The following CDH11 variants were observed in gnomAD, a reference collection of about 807,000 sequenced individuals.
The protein encoded by CDH11 is cadherin-11.
CDH11 carries 11 observed loss-of-function variants against 67.8 expected under a neutral mutation model. The ratio of observed to expected loss-of-function variants is 0.16; its 90% CI spans 0.10 to 0.27. The LOEUF (loss-of-function observed/expected upper bound fraction) is 0.27, where lower values mean the gene tolerates loss of function less well. Ranked by LOEUF, CDH11 falls within the 10% of genes least tolerant of loss-of-function variation. The pLI is 1.00. For missense variants in CDH11, 847 were observed against 1,031.2 expected, an observed-to-expected ratio of 0.82 and a Z score of 2.45; for synonymous variants, 419 against 400.0, an observed-to-expected ratio of 1.05 and a Z score of -0.57.
intron 1 of CDH11, among the ~76,000 whole-genome samples, chr16:65,084,753 T>C (rs1006326467): frequency 2.0e-5 from 3 of 152,176 alleles, no homozygotes; most frequent in African/African-American, 7.2e-5. Flanking sequence ...TACAAGAACA[T>C]AGTTTAAAAT....
In CDH11 at chr16:64,957,699, AGT is replaced by A. The variant is rs141123817; in HGVS notation, c.1643-6683_1643-6682del. On this transcript the variant is annotated intron_variant, in intron 11 of 12. Coordinates refer to ENST00000268603, the MANE Select transcript of CDH11 (RefSeq NM_001797.4). The stretch of plus-strand genomic sequence containing the variant: ...AAGCACATACATAAAATTTATATAT[AGT>A]GTGTGACTAAAATTTCTTAGTAGAG... 2.3e-3 allele frequency among the ~76,000 whole-genome samples: 352 copies of A among 152,080 alleles called. 1 individual carries two copies. Among genetic ancestry groups the A allele is most frequent in the African/African-American group, 8.1e-3 (337 of 41,458 alleles).
At chr16:64,962,672 A>C (rs542026112) in intron 11 of CDH11, among the ~76,000 whole-genome samples, 1 of 152,254 alleles carries the variant, frequency 6.6e-6, no homozygotes, top group South Asian at 2.1e-4. Context: ...CCCTCATGCT[A>C]TCAGTAGGAG....
chr16:64,999,837 T>A (rs1281229216), intron 3 of CDH11, among the ~76,000 whole-genome samples: 1 of 152,164 alleles, frequency 6.6e-6, no homozygotes, highest in African/African-American at 2.4e-5. Context: ...GCCTGGCCAA[T>A]GTTTTTGTTT....
chr16:65,093,676 G>C (rs890792322), intron 1 of CDH11, among the ~76,000 whole-genome samples: 2 of 152,054 alleles, frequency 1.3e-5, no homozygotes, highest in Admixed American at 6.5e-5. Context: ...AATCTACTAC[G>C]TGATATTCAC....
At chr16:64,968,356 A>C (rs2071901096) in intron 11 of CDH11, 1 of 881,072 alleles carries the variant, frequency 1.1e-6, no homozygotes. Context: ...TTTTCTTTGC[A>C]CTTTTCTCAT....
At chr16:64,955,596 T>C (rs1225288342) in intron 11 of CDH11, among the ~76,000 whole-genome samples, 3 of 152,032 alleles carry the variant, frequency 2.0e-5, no homozygotes. Context: ...AGTTAAACAA[T>C]TATCCAGGTG....
rs1436717378 is a variant in CDH11 at position 65,116,761 on chromosome 16, G to T, written c.-298+5119C>A. Among the ~76,000 whole-genome samples the T allele has an allele frequency of 5.3e-5, 8 of 151,890 alleles. No homozygotes were observed. In the East Asian group the frequency reaches 1.2e-3, roughly 22 times the overall value. On this transcript the variant is annotated intron_variant, in intron 1 of 12. Coordinates refer to ENST00000268603, the MANE Select transcript of CDH11 (RefSeq NM_001797.4). ...TCAATTGGCTTAATAAGGATAGAGA[G>T]AGAGAGAGAGAGGTACGAAGATCAG...
intron 2 of CDH11, chr16:65,006,775 A>T (rs1243211589): frequency 1.3e-5 from 2 of 152,174 alleles, no homozygotes; most frequent in Non-Finnish European, 2.9e-5. Flanking sequence ...GTGTTGTGGG[A>T]GGGACCCAGC....
chr16:65,110,571 G>T (rs1390403919), intron 1 of CDH11, among the ~76,000 whole-genome samples: 1 of 151,774 alleles, frequency 6.6e-6, no homozygotes, highest in Non-Finnish European at 1.5e-5. Context: ...CTGGAAATCA[G>T]ATGCTGTACA....
chr16:65,093,281 G>C (rs892688911), intron 1 of CDH11, among the ~76,000 whole-genome samples: 1 of 142,722 alleles, frequency 7.0e-6, no homozygotes, highest in African/African-American at 2.6e-5. Flanking sequence ...CCTGGATGCT[G>C]TACCTGTTCA....
intron 1 of CDH11, among the ~76,000 whole-genome samples, chr16:65,068,776 T>C (rs2074364634): frequency 6.6e-6 from 1 of 152,258 alleles, no homozygotes; most frequent in African/African-American, 2.4e-5. Flanking sequence ...TAATTTCTTA[T>C]TGATGTTCTT....
chr16:65,026,034 G>A (rs1597106760), intron 2 of CDH11, among the ~76,000 whole-genome samples: 1 of 152,142 alleles, frequency 6.6e-6, no homozygotes, highest in Non-Finnish European at 1.5e-5. Context: ...ATCATGGGGT[G>A]AACAAAGCTC....
intron 2 of CDH11, among the ~76,000 whole-genome samples, chr16:65,022,324 G>C (rs1259868336): frequency 6.6e-6 from 1 of 152,026 alleles, no homozygotes; most frequent in Non-Finnish European, 1.5e-5. Context: ...CCATGAAATA[G>C]TAACACAATT....
chr16:65,058,166 G>T (rs2074178301), intron 1 of CDH11, among the ~76,000 whole-genome samples: 1 of 152,156 alleles, frequency 6.6e-6, no homozygotes, highest in Non-Finnish European at 1.5e-5. Flanking sequence ...AGGCTGCAGT[G>T]AGCCAAAATA....
intron 2 of CDH11, among the ~76,000 whole-genome samples, chr16:65,017,823 G>GA (rs932877961): frequency 2.0e-5 from 3 of 152,066 alleles, no homozygotes; most frequent in South Asian, 4.1e-4. Context: ...CTAAATTGCA[G>GA]AAAAAATCTC....
chr16:64,950,628 T>TC, intron 12 of CDH11, 139 bp downstream of exon 12: 2 of 593,680 alleles, frequency 3.4e-6, no homozygotes, highest in Non-Finnish European at 4.9e-6. Context: ...CCCGCCCCCG[T>TC]ACCCCACTTC....
chr16:65,043,982 G>T (rs2073910776), intron 2 of CDH11, among the ~76,000 whole-genome samples: 1 of 152,092 alleles, frequency 6.6e-6, no homozygotes, highest in South Asian at 2.1e-4. Context: ...GATCTCAAGA[G>T]ATCAAAGTGG....
chr16:65,030,561 G>A (rs962644246), intron 2 of CDH11, among the ~76,000 whole-genome samples: 3 of 152,128 alleles, frequency 2.0e-5, no homozygotes, highest in African/African-American at 7.2e-5. Flanking sequence ...GGGAACTGTG[G>A]ACAGTTTGAG....
chr16:65,099,816 C>G (rs2074960694), intron 1 of CDH11, among the ~76,000 whole-genome samples: 1 of 152,014 alleles, frequency 6.6e-6, no homozygotes, highest in Non-Finnish European at 1.5e-5. Context: ...TGCCTCCAAG[C>G]AGGGGTAATA....
Sources: gnomAD v4.1 joint callset for allele counts (sites outside exome capture counted in the v4.1 genomes callset) on GRCh38, gnomAD v4.1.1 for gene constraint, MANE v1.5 for transcripts, NCBI Gene and HGNC (gene_info 2026-07-23, HGNC 2026-07-21) for gene names.